The following IMMP1L variants were observed in gnomAD, a reference collection of about 807,000 sequenced individuals.
IMMP1L encodes the protein mitochondrial inner membrane protease subunit 1.
A neutral mutation model predicts 21.8 loss-of-function variants in IMMP1L; 24 were observed. The observed-to-expected ratio is 1.10, with a 90% CI of 0.80 to 1.55. IMMP1L has a LOEUF of 1.55. IMMP1L is among the 40% of genes most tolerant of loss of function. The probability of loss-of-function intolerance (pLI) is 0.00; values close to 1 mark genes in which losing one functional copy is unlikely to be tolerated. For missense variants in IMMP1L, 195 were observed against 200.7 expected, an observed-to-expected ratio of 0.97 and a Z score of 0.17; for synonymous variants, 46 against 62.8, an observed-to-expected ratio of 0.73 and a Z score of 1.26.
rs1368889070 is a variant in IMMP1L at position 31,433,506 on chromosome 11, T to C, written c.386A>G (p.Tyr129Cys). ...NLQNSTDSRC[Y>C]GPIPYGLIRG... is the part of the protein sequence containing the mutation. ...TATTAGTCCATATGGAATAGGTCCA[T>C]AGCACCTGGAATCTGTAGAATTCTG... The change falls in exon 5 of 6, where the codon TAT (tyrosine) becomes TGT (cysteine). Residue 129 changes from tyrosine to cysteine, a missense_variant. Physicochemically the swap from Tyr to Cys is radical, Grantham distance 194. Coordinates refer to ENST00000532287, the MANE Select transcript of IMMP1L (RefSeq NM_001304274.2). 1.2e-6 allele frequency: 2 copies of C among 1,611,610 alleles called. No homozygotes were observed. Among genetic ancestry groups the C allele is most frequent in the East Asian group, 2.2e-5 (1 of 44,776 alleles).
At chr11:31,434,277 A>G (rs377495184) in intron 4 of IMMP1L, among the ~76,000 whole-genome samples, 7 of 152,178 alleles carry the variant, frequency 4.6e-5, no homozygotes, top group African/African-American at 1.7e-4. Context: ...CTGGTAAATA[A>G]CAAGATTTTT....
At chr11:31,479,369 C>T (rs1348720161) in intron 1 of IMMP1L, among the ~76,000 whole-genome samples, 1 of 151,954 alleles carries the variant, frequency 6.6e-6, no homozygotes, top group Non-Finnish European at 1.5e-5. Context: ...ATGTATCACA[C>T]AGAAAGATAT....
chr11:31,444,955 C>CTAT lies in IMMP1L; in HGVS notation c.321+11302_321+11304dup, dbSNP rs1423197718. ...GACTGAAGCCAGTTTATAGGCCTTT[C>CTAT]TATCCATGCCTCCCAATACTATTGT... On this transcript the variant is annotated intron_variant, in intron 4 of 5. Coordinates refer to ENST00000532287, the MANE Select transcript of IMMP1L (RefSeq NM_001304274.2). Among the ~76,000 whole-genome samples, 10 of 152,314 alleles carry CTAT rather than the reference C, an allele frequency of 6.6e-5. No homozygotes were observed. In the East Asian group the frequency reaches 1.7e-3, roughly 26 times the overall value.
chr11:31,439,043 T>TTC (rs1319227707), intron 4 of IMMP1L, among the ~76,000 whole-genome samples: 38 of 152,312 alleles, frequency 2.5e-4, no homozygotes, highest in Admixed American at 1.1e-3. Context: ...AAACTCCTTG[T>TTC]TCTCAGTTGT....
chr11:31,436,886 T>C (rs1293459390), intron 4 of IMMP1L, among the ~76,000 whole-genome samples: 1 of 152,192 alleles, frequency 6.6e-6, no homozygotes, highest in Non-Finnish European at 1.5e-5. Flanking sequence ...GGTTCAAATA[T>C]GAGACATGCT....
intron 1 of IMMP1L, among the ~76,000 whole-genome samples, chr11:31,473,490 T>C (rs1023034467): frequency 6.6e-6 from 1 of 152,176 alleles, no homozygotes; most frequent in African/African-American, 2.4e-5. Context: ...TACACCATAT[T>C]GCCTCTCAAT....
intron 1 of IMMP1L, among the ~76,000 whole-genome samples, chr11:31,463,609 A>C (rs183197139): frequency 1.8e-4 from 27 of 152,302 alleles, no homozygotes; most frequent in Admixed American, 3.9e-4. Context: ...CTATTAAGGC[A>C]GATGCTTAAA....
intron 1 of IMMP1L, among the ~76,000 whole-genome samples, chr11:31,485,625 A>G (rs1238624611): frequency 6.6e-6 from 1 of 151,938 alleles, no homozygotes; most frequent in Non-Finnish European, 1.5e-5. Flanking sequence ...TAAGTAATAC[A>G]TAATGTTAGG....
intron 1 of IMMP1L, among the ~76,000 whole-genome samples, chr11:31,482,791 G>A (rs1408919051): frequency 2.0e-5 from 3 of 151,932 alleles, no homozygotes; most frequent in African/African-American, 7.2e-5. Context: ...GTTTGCCATT[G>A]TTGCTTAAAG....
chr11:31,473,539 C>T (rs892970515), intron 1 of IMMP1L, among the ~76,000 whole-genome samples: 3 of 152,116 alleles, frequency 2.0e-5, no homozygotes, highest in Non-Finnish European at 4.4e-5. Context: ...AAATAGGCAT[C>T]TGGGAATAGA....
intron 1 of IMMP1L, among the ~76,000 whole-genome samples, chr11:31,492,244 C>G (rs1307177237): frequency 6.6e-6 from 1 of 152,158 alleles, no homozygotes; most frequent in East Asian, 1.9e-4. Context: ...GCTTGCCATA[C>G]ACTTTTATGT....
intron 1 of IMMP1L, among the ~76,000 whole-genome samples, chr11:31,497,529 T>C (rs1214136003): frequency 6.7e-6 from 1 of 150,340 alleles, no homozygotes; most frequent in African/African-American, 2.4e-5. Flanking sequence ...TGGTGCGATC[T>C]CCGCTCACCG....
intron 1 of IMMP1L, among the ~76,000 whole-genome samples, chr11:31,474,677 C>G (rs1245309442): frequency 2.0e-5 from 3 of 151,894 alleles, no homozygotes; most frequent in African/African-American, 7.3e-5. Context: ...AAAGCAAGAC[C>G]CTGTCTCAAA....
intron 1 of IMMP1L, among the ~76,000 whole-genome samples, chr11:31,492,221 G>A (rs868670024): frequency 1.4e-4 from 22 of 152,278 alleles, no homozygotes; most frequent in Middle Eastern, 3.4e-3. Flanking sequence ...CTAGATAGAG[G>A]TAACTTGCTG....
chr11:31,473,409 CAA>C (rs1954633490), intron 1 of IMMP1L, among the ~76,000 whole-genome samples: 1 of 152,114 alleles, frequency 6.6e-6, no homozygotes, highest in Non-Finnish European at 1.5e-5. Flanking sequence ...AGGAACTATT[CAA>C]AGTCATGCAG....
At chr11:31,473,680 A>G in intron 1 of IMMP1L, 1 of 859,134 alleles carries the variant, frequency 1.2e-6, no homozygotes, top group Non-Finnish European at 1.4e-6. Flanking sequence ...TAGGCATCCA[A>G]TTCTAAGATT....
At chr11:31,494,990 T>C (rs1340955449) in intron 1 of IMMP1L, among the ~76,000 whole-genome samples, 1 of 152,210 alleles carries the variant, frequency 6.6e-6, no homozygotes, top group East Asian at 1.9e-4. Context: ...AATACTTCAC[T>C]GCTTAGAAAT....
intron 4 of IMMP1L, chr11:31,448,816 T>C (rs1304509655): frequency 5.6e-6 from 2 of 358,166 alleles, no homozygotes; most frequent in Non-Finnish European, 7.8e-6. Context: ...GAAAACACTT[T>C]AAGTCTAGGA....
intron 1 of IMMP1L, among the ~76,000 whole-genome samples, chr11:31,485,445 A>T (rs1328343478): frequency 6.6e-6 from 1 of 151,888 alleles, no homozygotes; most frequent in East Asian, 1.9e-4. Context: ...CATATATATT[A>T]GACAGAAATC....
Sources: gnomAD v4.1 joint callset for allele counts (sites outside exome capture counted in the v4.1 genomes callset) on GRCh38, gnomAD v4.1.1 for gene constraint, MANE v1.5 for transcripts, NCBI Gene and HGNC (gene_info 2026-07-23, HGNC 2026-07-21) for gene names.